Variants in PRR3 observed in about 807,000 individuals in gnomAD.
PRR3 encodes the protein proline rich 3.
PRR3 carries 16 observed loss-of-function variants against 22.4 expected under a neutral mutation model. The observed-to-expected ratio is 0.71, with a 90% CI of 0.48 to 1.09. The LOEUF is 1.09. Among genes scored for constraint, PRR3 ranks in the 50% least tolerant of loss-of-function variants. PRR3 has a pLI of 0.00. For synonymous variants in PRR3, 87 were observed against 88.6 expected, an observed-to-expected ratio of 0.98 and a Z score of 0.10; for missense variants, 224 against 243.4, an observed-to-expected ratio of 0.92 and a Z score of 0.53.
rs187414220 is a variant in PRR3 at position 30,559,307 on chromosome 6, G to A, written c.169+1095G>A. 4.6e-5 allele frequency among the ~76,000 whole-genome samples: 7 copies of A among 152,274 alleles called. No homozygotes were observed. In the East Asian group the frequency reaches 1.3e-3, roughly 29 times the overall value. ...CAGGAGAATCGCTTGAACCTGGAAG[G>A]CGGAGGTTGCAGTGAGCTGAGATTG... On this transcript the variant is annotated intron_variant, in intron 2 of 3. Transcript: ENST00000376560.
intron 3 of PRR3, 102 bp from the exon 4 acceptor site, chr6:30,562,287 G>A (rs1245384558): frequency 5.2e-6 from 6 of 1,160,618 alleles, no homozygotes; most frequent in Non-Finnish European, 7.5e-6. Flanking sequence ...CCTGGAAATG[G>A]TAGGGGGTAG....
intron 3 of PRR3, 98 bp downstream of exon 3, chr6:30,562,222 C>A: frequency 7.5e-7 from 1 of 1,337,104 alleles, no homozygotes; most frequent in African/African-American, 1.5e-5. Context: ...GCTTTTGAAG[C>A]AGAAGTAGAC....
In PRR3 at chr6:30,558,226, G is replaced by A. The variant is rs1464474153; in HGVS notation, c.169+14G>A. On this transcript the variant is annotated intron_variant, in intron 2 of 3. Transcript: ENST00000376560. The stretch of plus-strand genomic sequence containing the variant: ...ACCCTAAGTCAGGTGAGGAGGAAGG[G>A]GCCCTGATCCTTGTATTAGGTCGTA... 1 of 1,611,020 alleles carries A rather than the reference G, an allele frequency of 6.2e-7. No homozygotes were observed. Among genetic ancestry groups the A allele is most frequent in the Admixed American group, 1.7e-5 (1 of 60,030 alleles).
chr6:30,558,578 T>C (rs1800412320), intron 2 of PRR3: 1 of 246,582 alleles, frequency 4.1e-6, no homozygotes, highest in East Asian at 8.1e-5. Flanking sequence ...TAGTCCCAGT[T>C]ACTCAGGAGG....
Position 30,562,663 on chromosome 6 carries a change from T to C in PRR3, c.*168T>C. 1 of 571,058 alleles carries C rather than the reference T, an allele frequency of 1.8e-6. No homozygotes were observed. Among genetic ancestry groups the C allele is most frequent in the East Asian group, 2.9e-5 (1 of 34,464 alleles). The allele number at this position is 571,058 out of a possible 1,614,324, so 35.4% of individuals were successfully genotyped here. Reference sequence around the variant, plus strand: ...GTGTGGGGTCCAGAGTGGTGTTGCATCACTGGTGCGCGGCATACGCGCTTT... The same window carrying C: ...GTGTGGGGTCCAGAGTGGTGTTGCACCACTGGTGCGCGGCATACGCGCTTT... On this transcript the variant is annotated 3_prime_UTR_variant, in exon 4 of 4. Coordinates refer to ENST00000376560, the MANE Select transcript of PRR3 (RefSeq NM_025263.4).
At position 30,561,608 on chromosome 6, in the gene PRR3, G is replaced by A; in HGVS notation, c.170-226G>A. Reference sequence around the variant, plus strand: ...GGGAGGAGGGTGGGTAATGGGAAAAGGGGCACAAGGGGAGGATCTTTTGAG... The same window carrying A: ...GGGAGGAGGGTGGGTAATGGGAAAAAGGGCACAAGGGGAGGATCTTTTGAG... On this transcript the variant is annotated intron_variant, in intron 2 of 3. Coordinates refer to ENST00000376560, the MANE Select transcript of PRR3 (RefSeq NM_025263.4). The surrounding 1 kb of genome is among the most constrained non-coding windows in gnomAD (Gnocchi z 4.0). 1.7e-6 allele frequency: 1 copy of A among 601,708 alleles called. No homozygotes were observed. Among genetic ancestry groups the A allele is most frequent in the Non-Finnish European group, 2.9e-6 (1 of 340,126 alleles). The allele number at this position is 601,708 out of a possible 1,614,324, so 37.3% of individuals were successfully genotyped here. A position where few individuals can be genotyped will look rare whatever the true frequency, so the allele number is the denominator to read the frequency against.
chr6:30,562,714 G>T lies in PRR3; in HGVS notation c.*219G>T. On this transcript the variant is annotated 3_prime_UTR_variant, in exon 4 of 4. Coordinates refer to ENST00000376560, the MANE Select transcript of PRR3 (RefSeq NM_025263.4). ...CTTCTGATCCAGCCTGTAGAGACTC[G>T]CCTTTGGGACCCATCTTTGCTTCCT... 1 of 437,378 alleles carries T rather than the reference G, an allele frequency of 2.3e-6. No homozygotes were observed. The allele number at this position is 437,378 out of a possible 1,614,324, so 27.1% of individuals were successfully genotyped here.
intron 2 of PRR3, chr6:30,560,857 A>T (rs1239110414): frequency 6.3e-6 from 1 of 158,352 alleles, no homozygotes; most frequent in African/African-American, 2.4e-5. Context: ...CTGTACACTT[A>T]AAAATAGTTA....
At position 30,561,976 on chromosome 6, in the gene PRR3, C is replaced by T. The variant is rs1800666122; in HGVS notation, c.312C>T (p.Val104=). 2 of 1,612,890 alleles carry T rather than the reference C, an allele frequency of 1.2e-6. No homozygotes were observed. Among genetic ancestry groups the T allele is most frequent in the African/African-American group, 1.3e-5 (1 of 74,880 alleles). The change falls in exon 3 of 4, where the codon GTC becomes GTT. Residue 104 remains valine (V), a synonymous_variant. Coordinates refer to ENST00000376560, the MANE Select transcript of PRR3 (RefSeq NM_025263.4). The surrounding 1 kb of genome is among the most constrained non-coding windows in gnomAD (Gnocchi z 4.0). ...CATATGGTCGTGGTTGGTGGGGAGT[C>T]AATGCAGAACCTCCTTTTCCGGGGC... The part of the protein sequence containing the change: ...SSPYGRGWWG[V]NAEPPFPGPG...
chr6:30,557,139 G>A, upstream of PRR3: 1 of 702,850 alleles, frequency 1.4e-6, no homozygotes, highest in Non-Finnish European at 2.6e-6. Context: ...GAAGGTGTGA[G>A]GTTGCCGCCA....
Position 30,561,565 on chromosome 6 carries a change from G to A in PRR3, c.170-269G>A. 1.6e-6 allele frequency: 1 copy of A among 606,680 alleles called. No individual in the cohort carries two copies. The highest frequency in any genetic ancestry group is 2.8e-5 in the Admixed American group (1 of 35,956). 37.6% of individuals were successfully genotyped at this position (606,680 alleles called of 1,614,324 possible). ...AGGCAAAAACTAACCTATGGTGTCA[G>A]GATAGTGGTTACCTTTGGGGAGGAG... On this transcript the variant is annotated intron_variant, in intron 2 of 3. Transcript: ENST00000376560. This position sits in a 1 kb window ranked among gnomAD's most constrained non-coding sequence, Gnocchi z 4.0.
chr6:30,557,575 A>G (rs1222159414), intron 1 of PRR3, 125 bp downstream of exon 1: 1 of 664,950 alleles, frequency 1.5e-6, no homozygotes, highest in African/African-American at 1.8e-5. Context: ...CTGGGGAGGG[A>G]TGGAAGTGGG....
At chr6:30,559,643 C>T (rs1367149384) in intron 2 of PRR3, among the ~76,000 whole-genome samples, 1 of 152,000 alleles carries the variant, frequency 6.6e-6, no homozygotes, top group Non-Finnish European at 1.5e-5. Context: ...TAAAAATATA[C>T]CACTTTGAAA....
upstream of PRR3, chr6:30,557,067 G>A (rs1164901079): frequency 1.4e-6 from 1 of 701,992 alleles, no homozygotes; most frequent in African/African-American, 1.7e-5. Flanking sequence ...TGGTTGTGGT[G>A]TTTTCCAGCG....
Position 30,561,757 on chromosome 6 carries a change from T to A in PRR3, c.170-77T>A, listed in dbSNP as rs189724515. The A allele has an allele frequency of 8.8e-4, 1,217 of 1,389,304 alleles. 3 individuals are homozygous for A. Among genetic ancestry groups the A allele is most frequent in the East Asian group, 2.2e-3 (86 of 39,690 alleles). The allele number at this position is 1,389,304 out of a possible 1,614,324, so 86.1% of individuals were successfully genotyped here. On this transcript the variant is annotated intron_variant, in intron 2 of 3. Coordinates refer to ENST00000376560, the MANE Select transcript of PRR3 (RefSeq NM_025263.4). The surrounding 1 kb of genome is among the most constrained non-coding windows in gnomAD (Gnocchi z 4.0). ...GTATGCTGTTCTTCAATAAAAAAAA[T>A]TTTTTTAATCACGGTTTATCAGGAT... is the stretch of plus-strand genomic sequence containing the variant.
In PRR3 at chr6:30,561,862, G is replaced by A. The variant is rs1366243962; in HGVS notation, c.198G>A (p.Arg66=). The A allele has an allele frequency of 6.3e-7, 1 of 1,578,100 alleles. No individual in the cohort carries two copies. The highest frequency in any genetic ancestry group is 2.3e-5 in the East Asian group (1 of 42,934). The change falls in exon 3 of 4, where the codon AGG becomes AGA. Residue 66 remains arginine, a synonymous_variant. Transcript: ENST00000376560. This position sits in a 1 kb window ranked among gnomAD's most constrained non-coding sequence, Gnocchi z 4.0. ...SALHRGPPGS[R]GPLIPPLLSL... Reference sequence around the variant, plus strand: ...TTCACAGAGGTCCTCCAGGATCAAGGGGACCACTGATTCCACCACTGCTGA... The same window carrying A: ...TTCACAGAGGTCCTCCAGGATCAAGAGGACCACTGATTCCACCACTGCTGA...
In PRR3 at chr6:30,562,451, C is replaced by G; in HGVS notation, c.523C>G (p.Leu175Val). ...AAAGGGCCACTGTCGATATGAGGAC[C>G]TCTGTGCCTTCTACCATCCAGGCGT... ...AKKGHCRYED[L>V]CAFYHPGVNG... The change falls in exon 4 of 4, where the codon CTC (leucine) becomes GTC (valine). Residue 175 changes from leucine (L) to valine (V), a missense_variant. Coordinates refer to ENST00000376560, the MANE Select transcript of PRR3 (RefSeq NM_025263.4). The G allele has an allele frequency of 6.2e-7, 1 of 1,614,110 alleles. No homozygotes were observed. Among genetic ancestry groups the G allele is most frequent in the Non-Finnish European group, 8.5e-7 (1 of 1,179,932 alleles).
rs1800610251 is a variant in PRR3 at position 30,561,269 on chromosome 6, T to C, written c.170-565T>C. 1 of 441,570 alleles carries C rather than the reference T, an allele frequency of 2.3e-6. No individual in the cohort carries two copies. Among genetic ancestry groups the C allele is most frequent in the South Asian group, 1.6e-5 (1 of 61,400 alleles). The allele number at this position is 441,570 out of a possible 1,614,324, so 27.4% of individuals were successfully genotyped here. ...CTACTACGTATATATTCAACAGAAATGCATACGTATGTGTAACAACATGTA... is the reference window on the plus strand; with the variant it reads ...CTACTACGTATATATTCAACAGAAACGCATACGTATGTGTAACAACATGTA... On this transcript the variant is annotated intron_variant, in intron 2 of 3. Coordinates refer to ENST00000376560, the MANE Select transcript of PRR3 (RefSeq NM_025263.4). The surrounding 1 kb of genome is among the most constrained non-coding windows in gnomAD (Gnocchi z 4.0).
chr6:30,559,716 T>C (rs989725760), intron 2 of PRR3, among the ~76,000 whole-genome samples: 2 of 151,738 alleles, frequency 1.3e-5, no homozygotes, highest in Admixed American at 1.3e-4. Context: ...GAAAACAATA[T>C]GAAGAGGTTC....
Sources: gnomAD v4.1 joint callset for allele counts (sites outside exome capture counted in the v4.1 genomes callset) on GRCh38, gnomAD v4.1.1 for gene constraint, Gnocchi (gnomAD v3.1) non-coding constraint, MANE v1.5 for transcripts, NCBI Gene and HGNC (gene_info 2026-07-23, HGNC 2026-07-21) for gene names.